Variants in THSD7B observed in about 807,000 individuals in gnomAD.
THSD7B encodes thrombospondin type-1 domain-containing protein 7B.
A neutral mutation model predicts 213.6 loss-of-function variants in THSD7B; 138 were observed. That is an observed-to-expected ratio of 0.65 (90% confidence interval 0.56 to 0.74). THSD7B has a LOEUF of 0.74. THSD7B is among the 30% of genes least tolerant of loss of function. THSD7B has a pLI of 0.00. For missense variants in THSD7B, 1,931 were observed against 1,991.5 expected (o/e 0.97, Z 0.58); for synonymous variants, 742 against 687.0 (o/e 1.08, Z -1.25).
chr2:137,297,299 A>C (rs1019175316), intron 12 of THSD7B, among the ~76,000 whole-genome samples: 3 of 151,124 alleles, frequency 2.0e-5, no homozygotes, highest in African/African-American at 4.9e-5. Flanking sequence ...AAAAGAAAGA[A>C]AAGGAAAAAG....
chr2:136,902,435 G>T (rs760485820), intron 2 of THSD7B, among the ~76,000 whole-genome samples: 11 of 152,170 alleles, frequency 7.2e-5, no homozygotes, highest in Non-Finnish European at 1.5e-4. Flanking sequence ...AGCAAACCTG[G>T]CCTCTTCATT....
chr2:136,978,901 GTTT>G (rs372005062), intron 2 of THSD7B, among the ~76,000 whole-genome samples: 1 of 141,966 alleles, frequency 7.0e-6, no homozygotes, highest in Non-Finnish European at 1.5e-5. Context: ...GTACTTCAGT[GTTT>G]TTTTTTTTTG....
intron 17 of THSD7B, among the ~76,000 whole-genome samples, chr2:137,596,959 A>G (rs1250438129): frequency 6.6e-6 from 1 of 152,130 alleles, no homozygotes; most frequent in Non-Finnish European, 1.5e-5. Context: ...ATAGAATGTA[A>G]GGATACAACC....
At chr2:136,812,643 A>G (rs1029432282) in intron 1 of THSD7B, among the ~76,000 whole-genome samples, 1 of 152,224 alleles carries the variant, frequency 6.6e-6, no homozygotes, top group South Asian at 2.1e-4. Context: ...GCATCACAGT[A>G]TGTTCATTTC....
chr2:137,379,749 C>A (rs76235566), intron 12 of THSD7B, among the ~76,000 whole-genome samples: 4 of 152,118 alleles, frequency 2.6e-5, no homozygotes, highest in African/African-American at 4.8e-5. Flanking sequence ...GGGGGAAGAG[C>A]TGGAGTTTGA....
intron 2 of THSD7B, among the ~76,000 whole-genome samples, 198 bp downstream of exon 2, chr2:136,882,515 C>T (rs1683643647): frequency 6.6e-6 from 1 of 152,024 alleles, no homozygotes; most frequent in African/African-American, 2.4e-5. Context: ...GCTTGTTATC[C>T]TTCTGAATTT....
intron 9 of THSD7B, among the ~76,000 whole-genome samples, chr2:137,238,186 T>C (rs1681810776): frequency 6.6e-6 from 1 of 152,176 alleles, no homozygotes; most frequent in Non-Finnish European, 1.5e-5. Context: ...CCTGAGATAT[T>C]AGCAACTCTC....
At chr2:137,480,016 C>A (rs943647209) in intron 15 of THSD7B, among the ~76,000 whole-genome samples, 21 of 152,172 alleles carry the variant, frequency 1.4e-4, no homozygotes, top group African/African-American at 4.8e-4. Context: ...CTTTCATTTA[C>A]CCTTTTCCTG....
intron 15 of THSD7B, among the ~76,000 whole-genome samples, chr2:137,512,880 A>G (rs1225226634): frequency 6.6e-6 from 1 of 152,166 alleles, no homozygotes; most frequent in Non-Finnish European, 1.5e-5. Context: ...TAAACTAAGC[A>G]GAAACAAGAT....
At chr2:137,171,518 A>G (rs1038242838) in intron 7 of THSD7B, among the ~76,000 whole-genome samples, 3 of 152,240 alleles carry the variant, frequency 2.0e-5, no homozygotes, top group African/African-American at 7.2e-5. Context: ...AGCACCTGGT[A>G]GGTTATTTGA....
At chr2:136,862,166 T>A (rs1192159654) in intron 1 of THSD7B, among the ~76,000 whole-genome samples, 1 of 152,202 alleles carries the variant, frequency 6.6e-6, no homozygotes, top group East Asian at 1.9e-4. Flanking sequence ...GGTGGGACTG[T>A]ACAAAGTGTG....
intron 2 of THSD7B, among the ~76,000 whole-genome samples, chr2:137,016,105 A>T (rs937106348): frequency 1.3e-5 from 2 of 152,134 alleles, no homozygotes; most frequent in African/African-American, 4.8e-5. Flanking sequence ...TACAGGGGGA[A>T]ATTGCATTTC....
chr2:137,587,026 T>G (rs943866625), intron 17 of THSD7B, among the ~76,000 whole-genome samples: 5 of 152,256 alleles, frequency 3.3e-5, no homozygotes, highest in African/African-American at 1.2e-4. Flanking sequence ...TTGGAGGTTT[T>G]GTTCATTTCT....
intron 3 of THSD7B, among the ~76,000 whole-genome samples, chr2:137,074,540 A>G (rs1015968383): frequency 3.6e-4 from 55 of 152,124 alleles, no homozygotes; most frequent in African/African-American, 1.3e-3. Flanking sequence ...TCTTTATCCA[A>G]TTTGCCAGTC....
At chr2:137,530,411 C>T (rs1429140586) in intron 15 of THSD7B, among the ~76,000 whole-genome samples, 1 of 151,940 alleles carries the variant, frequency 6.6e-6, no homozygotes, top group African/African-American at 2.4e-5. Flanking sequence ...CATACTGTAG[C>T]CCCTGCAAAT....
At chr2:137,001,013 A>G (rs1317972285) in intron 2 of THSD7B, among the ~76,000 whole-genome samples, 2 of 152,124 alleles carry the variant, frequency 1.3e-5, no homozygotes, top group Non-Finnish European at 2.9e-5. Flanking sequence ...TAGCAATACT[A>G]TGTTTACATT....
intron 15 of THSD7B, among the ~76,000 whole-genome samples, chr2:137,475,019 GA>G (rs893440396): frequency 1.3e-5 from 2 of 152,206 alleles, no homozygotes; most frequent in South Asian, 2.1e-4. Flanking sequence ...TTAAACTTCA[GA>G]AAGAAAGAAA....
chr2:136,943,731 C>T (rs1684875248), intron 2 of THSD7B, among the ~76,000 whole-genome samples: 1 of 152,028 alleles, frequency 6.6e-6, no homozygotes, highest in African/African-American at 2.4e-5. Context: ...GGTGATTTCC[C>T]CTTTATCATT....
intron 11 of THSD7B, among the ~76,000 whole-genome samples, chr2:137,275,677 G>GT (rs1002006791): frequency 7.9e-5 from 12 of 151,698 alleles, no homozygotes; most frequent in Non-Finnish European, 1.0e-4. Flanking sequence ...TCCAAATTCA[G>GT]TTTTTTTCTC....
Sources: allele counts gnomAD v4.1 joint callset (sites outside exome capture counted in the v4.1 genomes callset), GRCh38; gene constraint gnomAD v4.1.1; transcripts MANE v1.5; gene names NCBI Gene and HGNC (gene_info 2026-07-23, HGNC 2026-07-21).